NELL2: variants seen among roughly 807,000 people sequenced by gnomAD.
The protein encoded by NELL2 is protein kinase C-binding protein NELL2.
In NELL2, 41 loss-of-function variants were observed where a neutral mutation model predicts 109.6. That is an observed-to-expected ratio of 0.37 (90% CI 0.29 to 0.49). NELL2 has a LOEUF of 0.49. Among genes scored for constraint, NELL2 ranks in the 20% least tolerant of loss-of-function variants. NELL2 has a pLI of 0.98. For synonymous variants in NELL2, 355 were observed against 344.7 expected, an observed-to-expected ratio of 1.03 and a Z score of -0.33; for missense variants, 900 against 1,008.3, an observed-to-expected ratio of 0.89 and a Z score of 1.45.
chr12:44,896,243 A>T (rs1328051746), intron 1 of NELL2, among the ~76,000 whole-genome samples: 1 of 152,190 alleles, frequency 6.6e-6, no homozygotes, highest in East Asian at 1.9e-4. Context: ...CTAAATATAT[A>T]TGCTGGTGTA....
intron 9 of NELL2, among the ~76,000 whole-genome samples, chr12:44,763,407 C>T (rs886435948): frequency 2.0e-4 from 31 of 152,158 alleles, no homozygotes; most frequent in African/African-American, 4.8e-4. Flanking sequence ...GAAAAGAATA[C>T]GTTATCTACT....
chr12:44,573,641 A>G (rs1943956376), intron 15 of NELL2, among the ~76,000 whole-genome samples: 1 of 152,250 alleles, frequency 6.6e-6, no homozygotes, highest in South Asian at 2.1e-4. Flanking sequence ...TTTCCAACTT[A>G]AAAGGAAGAC....
At chr12:44,649,173 T>A (rs1341215417) in intron 13 of NELL2, among the ~76,000 whole-genome samples, 3 of 151,828 alleles carry the variant, frequency 2.0e-5, no homozygotes, top group Admixed American at 2.0e-4. Context: ...ACAATGTAGA[T>A]CCTTCCTTAT....
rs560675452 is a variant in NELL2, at chr12:44,869,799, TTCCTAACAGTGAA to T, written c.184+5413_184+5425del. 9.8e-5 allele frequency among the ~76,000 whole-genome samples: 15 copies of T among 152,312 alleles called. No homozygotes were observed. In the South Asian group the frequency reaches 3.1e-3, roughly 32 times the overall value. On this transcript the variant is annotated intron_variant, in intron 2 of 19. Transcript: ENST00000429094. Reference sequence around the variant, plus strand: ...CTTGGCTTTCTTTTCAGACTAGGTATTCCTAACAGTGAATATCCTATTTTAACATGTTTTGGAA... The same window carrying T: ...CTTGGCTTTCTTTTCAGACTAGGTATTATCCTATTTTAACATGTTTTGGAA...
intron 13 of NELL2, among the ~76,000 whole-genome samples, chr12:44,643,715 C>G (rs1946944208): frequency 6.6e-6 from 1 of 152,114 alleles, no homozygotes; most frequent in Non-Finnish European, 1.5e-5. Flanking sequence ...TTTATATTAA[C>G]CAATGCCAAG....
chr12:44,750,918 A>C (rs1396438104), intron 9 of NELL2, among the ~76,000 whole-genome samples: 1 of 152,166 alleles, frequency 6.6e-6, no homozygotes. Flanking sequence ...AAGAGTAAGC[A>C]ATATTCAAGA....
At chr12:44,805,685 A>G (rs1423075961) in intron 3 of NELL2, among the ~76,000 whole-genome samples, 1 of 151,954 alleles carries the variant, frequency 6.6e-6, no homozygotes, top group Non-Finnish European at 1.5e-5. Context: ...ATTTAAACAC[A>G]GATGTATTAT....
intron 2 of NELL2, among the ~76,000 whole-genome samples, chr12:44,858,140 C>T (rs1944735942): frequency 6.6e-6 from 1 of 151,956 alleles, no homozygotes; most frequent in South Asian, 2.1e-4. Flanking sequence ...ACACATTGAC[C>T]CTAAGAAGTA....
chr12:44,711,161 G>T, intron 11 of NELL2, 131 bp downstream of exon 11: 2 of 640,650 alleles, frequency 3.1e-6, no homozygotes, highest in Non-Finnish European at 2.7e-6. Context: ...TGCCAAATTA[G>T]GAGAGCATAT....
intron 3 of NELL2, among the ~76,000 whole-genome samples, chr12:44,785,502 T>C (rs1305876482): frequency 6.6e-6 from 1 of 152,144 alleles, no homozygotes; most frequent in Admixed American, 6.5e-5. Context: ...ACCATTGACT[T>C]TCCTTCACAG....
upstream of NELL2, among the ~76,000 whole-genome samples, chr12:44,915,965 T>C (rs541277716): frequency 2.0e-5 from 3 of 152,258 alleles, no homozygotes; most frequent in East Asian, 5.8e-4. Context: ...AGGTTCAGAG[T>C]AGTCTAAAAG....
chr12:44,771,346 T>TTTAA (rs200038651), intron 9 of NELL2, among the ~76,000 whole-genome samples: 179 of 143,980 alleles, frequency 1.2e-3, no homozygotes, highest in African/African-American at 4.4e-3. Context: ...ATGGTTTTTT[T>TTTAA]AAAAAAAAAA....
In NELL2 at chr12:44,682,555, T is replaced by G. The variant is rs577748065; in HGVS notation, c.1319-16946A>C. Among the ~76,000 whole-genome samples the G allele has an allele frequency of 2.4e-3, 365 of 152,350 alleles. 2 individuals are homozygous for G. Among genetic ancestry groups the G allele is most frequent in the Non-Finnish European group, 3.5e-3 (235 of 68,028 alleles). On this transcript the variant is annotated intron_variant, in intron 12 of 19. Coordinates refer to ENST00000429094, the MANE Select transcript of NELL2 (RefSeq NM_001145108.2). ...TCTAGGGTTTTTATTGTTTTAGGTCTAACATTTAAGTCTTTAATCCATCTT... is the reference window on the plus strand; with the variant it reads ...TCTAGGGTTTTTATTGTTTTAGGTCGAACATTTAAGTCTTTAATCCATCTT...
chr12:44,618,471 C>A (rs1466516482), intron 13 of NELL2, among the ~76,000 whole-genome samples: 2 of 152,172 alleles, frequency 1.3e-5, no homozygotes, highest in East Asian at 3.8e-4. Flanking sequence ...ATAGTAATTT[C>A]ATAAGCTAAT....
intron 7 of NELL2, among the ~76,000 whole-genome samples, chr12:44,776,712 T>G (rs1941771565): frequency 6.6e-6 from 1 of 152,220 alleles, no homozygotes; most frequent in African/African-American, 2.4e-5. Context: ...GTGTCTATAT[T>G]CTTTACACTG....
chr12:44,581,708 G>T (rs996398776), intron 15 of NELL2, among the ~76,000 whole-genome samples: 1 of 152,068 alleles, frequency 6.6e-6, no homozygotes, highest in African/African-American at 2.4e-5. Context: ...ATGCCTTAAT[G>T]CCATTTTCCC....
At chr12:44,624,890 G>A (rs1438715450) in intron 13 of NELL2, among the ~76,000 whole-genome samples, 1 of 151,000 alleles carries the variant, frequency 6.6e-6, no homozygotes, top group Non-Finnish European at 1.5e-5. Context: ...GACCATTATG[G>A]AAAGTTCCAG....
intron 13 of NELL2, among the ~76,000 whole-genome samples, chr12:44,623,175 A>ATGT (rs1201429527): frequency 6.6e-6 from 1 of 152,126 alleles, no homozygotes; most frequent in African/African-American, 2.4e-5. Context: ...ATATCTATGG[A>ATGT]TATTATTCCC....
At chr12:44,857,083 A>C (rs539949609) in intron 2 of NELL2, among the ~76,000 whole-genome samples, 1 of 152,318 alleles carries the variant, frequency 6.6e-6, no homozygotes, top group East Asian at 1.9e-4. Flanking sequence ...CATAAAAAGT[A>C]ACAAACAATA....
Sources: allele counts gnomAD v4.1 joint callset (sites outside exome capture counted in the v4.1 genomes callset), GRCh38; gene constraint gnomAD v4.1.1; transcripts MANE v1.5; gene names NCBI Gene and HGNC (gene_info 2026-07-23, HGNC 2026-07-21).